SLC6A18: variants seen among roughly 807,000 people sequenced by gnomAD.
The protein encoded by SLC6A18 is inactive sodium-dependent neutral amino acid transporter B(0)AT3.
In SLC6A18, 58 loss-of-function variants were observed where a neutral mutation model predicts 62.9. The observed-to-expected ratio is 0.92, with a 90% CI of 0.75 to 1.15. The LOEUF (loss-of-function observed/expected upper bound fraction) is 1.15. Ranked by LOEUF, SLC6A18 falls within the 50% of genes most tolerant of loss-of-function variation. SLC6A18 has a pLI of 0.00. For synonymous variants in SLC6A18, 382 were observed against 365.8 expected (o/e 1.04, Z -0.51); for missense variants, 793 against 836.6 (o/e 0.95, Z 0.64).
chr5:1,240,839 T>G (rs1419325917), intron 7 of SLC6A18, among the ~76,000 whole-genome samples, 180 bp downstream of exon 7: 3 of 152,056 alleles, frequency 2.0e-5, no homozygotes, highest in African/African-American at 7.2e-5. Flanking sequence ...TGTGACCTGG[T>G]TGGAAAAGGG....
chr5:1,235,636 A>G lies in SLC6A18; in HGVS notation c.595A>G (p.Ile199Val), dbSNP rs751008316. 6.2e-7 allele frequency: 1 copy of G among 1,613,986 alleles called. No individual in the cohort carries two copies. Among genetic ancestry groups the G allele is most frequent in the East Asian group, 2.2e-5 (1 of 44,884 alleles). Residue 199 changes from isoleucine (I) to valine (V), a missense_variant, in exon 4 of 12, where the codon ATC becomes GTC. Coordinates refer to ENST00000324642, the MANE Select transcript of SLC6A18 (RefSeq NM_182632.3). ...ASWAVVYMCV[I>V]RGIETTGKVI... is the part of the protein sequence containing the mutation. ...CTGGGCAGTCGTGTACATGTGTGTC[A>G]TCAGGGGCATTGAGACTACAGGGAA... is the stretch of plus-strand genomic sequence containing the variant.
intron 5 of SLC6A18, among the ~76,000 whole-genome samples, 199 bp downstream of exon 5, chr5:1,238,259 GA>G (rs1194316026): frequency 6.9e-5 from 6 of 87,548 alleles, no homozygotes; most frequent in South Asian, 2.9e-4. Flanking sequence ...GGTTTGGAGT[GA>G]GCCTGGGGCC....
intron 4 of SLC6A18, 53 bp downstream of exon 4, chr5:1,235,715 C>T (rs1746867940): frequency 2.5e-6 from 4 of 1,582,462 alleles, no homozygotes; most frequent in South Asian, 2.2e-5. Flanking sequence ...GCCCCCAAGA[C>T]CCCTCCCCAT....
rs562197885 is a variant in SLC6A18 at position 1,242,900 on chromosome 5, G to A, written c.1131+37G>A. 550 of 1,553,246 alleles carry A rather than the reference G, an allele frequency of 3.5e-4. 4 individuals are homozygous for A. Among genetic ancestry groups the A allele is most frequent in the Middle Eastern group, 3.5e-4 (2 of 5,756 alleles). On this transcript the variant is annotated intron_variant, in intron 8 of 11. Transcript: ENST00000324642. ...CCCCCTGGGGTAGCCAGGCAGGGCC[G>A]TCCACAGGAGCACCAGGGCCGCACT...
At chr5:1,234,014 T>C (rs745592064) in intron 3 of SLC6A18, among the ~76,000 whole-genome samples, 21 of 152,134 alleles carry the variant, frequency 1.4e-4, no homozygotes, top group Non-Finnish European at 1.8e-4. Flanking sequence ...GTGCTGGGAT[T>C]ACAGGCGTGA....
At chr5:1,230,290 CCTGAGAAAGGCAGGTATG>C (rs1373276809) in intron 1 of SLC6A18, among the ~76,000 whole-genome samples, 1 of 152,124 alleles carries the variant, frequency 6.6e-6, no homozygotes, top group Non-Finnish European at 1.5e-5. Context: ...GGAGCCTGGC[CCTGAGAAAGGCAGGTATG>C]CTGACTCCCT....
intron 1 of SLC6A18, among the ~76,000 whole-genome samples, chr5:1,231,432 C>T (rs1438379806): frequency 6.6e-6 from 1 of 152,186 alleles, no homozygotes; most frequent in African/African-American, 2.4e-5. Flanking sequence ...CTCTCAGAGC[C>T]TTGGTCTGAG....
rs1579522044 is a variant in SLC6A18 at position 1,225,413 on chromosome 5, C to T, written c.-65C>T. The T allele has an allele frequency of 2.0e-6, 3 of 1,501,968 alleles. No homozygotes were observed. Among genetic ancestry groups the T allele is most frequent in the Non-Finnish European group, 2.7e-6 (3 of 1,121,744 alleles). The allele number at this position is 1,501,968 out of a possible 1,614,324, so 93.0% of individuals were successfully genotyped here. A position where few individuals can be genotyped will look rare whatever the true frequency, so the allele number is the denominator to read the frequency against. ...AAACGTCGGCAGAGGCTGGAGACGG[C>T]TCTCTAGTGCTGGGTGTGGAGTGAG... is the stretch of plus-strand genomic sequence containing the variant. On this transcript the variant is annotated 5_prime_UTR_variant, in exon 1 of 12. Transcript: ENST00000324642.
In SLC6A18 at chr5:1,245,840, T is replaced by C. The variant is rs202039104; in HGVS notation, c.1657-8T>C. 7.1e-5 allele frequency: 114 copies of C among 1,602,238 alleles called. 1 individual carries two copies. The African/African-American group carries it at 1.2e-3, about 16-fold the overall frequency. Reference sequence around the variant, plus strand: ...CCGGCGCCAGCTAATGAGGCTGTGGTCCCGCAGGAGCTGTTCCCCTCGCGT... The same window carrying C: ...CCGGCGCCAGCTAATGAGGCTGTGGCCCCGCAGGAGCTGTTCCCCTCGCGT... On this transcript the variant is annotated splice_polypyrimidine_tract_variant and splice_region_variant and intron_variant, in intron 11 of 11. Transcript: ENST00000324642.
In SLC6A18 at chr5:1,242,702, C is replaced by T. The variant is rs201301236; in HGVS notation, c.975-5C>T. 10 of 1,599,348 alleles carry T rather than the reference C, an allele frequency of 6.3e-6. No homozygotes were observed. Among genetic ancestry groups the T allele is most frequent in the South Asian group, 2.2e-5 (2 of 89,818 alleles). On this transcript the variant is annotated splice_region_variant and splice_polypyrimidine_tract_variant and intron_variant, in intron 7 of 11. Coordinates refer to ENST00000324642, the MANE Select transcript of SLC6A18 (RefSeq NM_182632.3). ...ATGAGCCCACAGTCCTCTCTGTCCC[C>T]GCAGAAACATCCTCAGCCTCATCAA...
chr5:1,237,167 G>A (rs1015570633), intron 4 of SLC6A18, among the ~76,000 whole-genome samples: 14 of 150,308 alleles, frequency 9.3e-5, no homozygotes, highest in South Asian at 2.1e-4. Context: ...GCTTGAACCC[G>A]GAAGCAGAGG....
At chr5:1,231,005 A>G (rs557222240) in intron 1 of SLC6A18, among the ~76,000 whole-genome samples, 1 of 152,302 alleles carries the variant, frequency 6.6e-6, no homozygotes, top group Admixed American at 6.5e-5. Context: ...TCAGCAGCGT[A>G]GTGATGCCCA....
chr5:1,240,197 T>C (rs1019990748), intron 6 of SLC6A18, among the ~76,000 whole-genome samples: 1 of 152,246 alleles, frequency 6.6e-6, no homozygotes, highest in Non-Finnish European at 1.5e-5. Context: ...TGTGTGCGTT[T>C]CTCCTTTGGA....
intron 2 of SLC6A18, 43 bp from the exon 3 acceptor site, chr5:1,232,708 G>A (rs1746764718): frequency 6.4e-7 from 1 of 1,566,272 alleles, no homozygotes; most frequent in East Asian, 2.3e-5. Flanking sequence ...AGAGGGAGCT[G>A]GGAAGGAGCC....
chr5:1,237,563 C>T (rs1036235935), intron 4 of SLC6A18, among the ~76,000 whole-genome samples: 6 of 152,062 alleles, frequency 3.9e-5, no homozygotes, highest in South Asian at 4.1e-4. Flanking sequence ...TGGTCAGAAA[C>T]GAGGGTGACC....
At chr5:1,233,571 A>G (rs1746794380) in intron 3 of SLC6A18, among the ~76,000 whole-genome samples, 1 of 148,852 alleles carries the variant, frequency 6.7e-6, no homozygotes, top group African/African-American at 2.5e-5. Context: ...CATGAATGAC[A>G]GTTATATTTT....
rs183239082 is a variant in SLC6A18, at chr5:1,235,892, G to A, written c.621+230G>A. Among the ~76,000 whole-genome samples the A allele has an allele frequency of 2.6e-5, 4 of 152,284 alleles. No individual in the cohort carries two copies. In the East Asian group the frequency reaches 7.7e-4, roughly 29 times the overall value. On this transcript the variant is annotated intron_variant, in intron 4 of 11. Coordinates refer to ENST00000324642, the MANE Select transcript of SLC6A18 (RefSeq NM_182632.3). ...ACTTTGTTTTAAAATAGCCACTCCA[G>A]ATTTCTTTGGGCTATGTTAACAGAG...
At chr5:1,240,691 G>T (rs1187542210) in intron 7 of SLC6A18, 32 bp downstream of exon 7, 1 of 1,610,572 alleles carries the variant, frequency 6.2e-7, no homozygotes, top group Non-Finnish European at 8.5e-7. Context: ...GGCTCTGTGG[G>T]GCACAGCCGC....
intron 9 of SLC6A18, 122 bp from the exon 10 acceptor site, chr5:1,244,092 C>A: frequency 2.5e-6 from 2 of 799,392 alleles, no homozygotes; most frequent in Non-Finnish European, 4.0e-6. Context: ...AGTCTCCAGC[C>A]CAGGTGCCCT....
Sources: gnomAD v4.1 joint callset for allele counts (sites outside exome capture counted in the v4.1 genomes callset) on GRCh38, gnomAD v4.1.1 for gene constraint, MANE v1.5 for transcripts, NCBI Gene and HGNC (gene_info 2026-07-23, HGNC 2026-07-21) for gene names.